The following MGST1 variants were observed in gnomAD, a reference collection of about 807,000 sequenced individuals.
MGST1 encodes the protein microsomal glutathione S-transferase 1.
Under a neutral mutation model 8.9 loss-of-function variants are expected in MGST1, and 5 were observed. The ratio of observed to expected loss-of-function variants is 0.56; its 90% CI spans 0.29 to 1.19. The LOEUF (loss-of-function observed/expected upper bound fraction) is 1.19. MGST1 is among the 50% of genes most tolerant of loss of function. The pLI, the probability that MGST1 is intolerant of heterozygous loss-of-function variation, is 0.08. For missense variants in MGST1, 182 were observed against 187.4 expected (o/e 0.97, Z 0.17); for synonymous variants, 54 against 67.8 (o/e 0.80, Z 1.00).
intron 4 of MGST1, among the ~76,000 whole-genome samples, chr12:16,561,034 G>A (rs771691892): frequency 1.2e-4 from 18 of 151,990 alleles, no homozygotes; most frequent in African/African-American, 2.7e-4. Context: ...ACATAGAGGC[G>A]CATGCATGCA....
At chr12:16,475,853 A>C (rs573985819) in intron 4 of MGST1, among the ~76,000 whole-genome samples, 7 of 152,094 alleles carry the variant, frequency 4.6e-5, no homozygotes, top group Non-Finnish European at 7.4e-5. Context: ...ATTGTTAAGT[A>C]CCTAGAGAGC....
Position 16,414,758 on chromosome 12 carries a change from C to T in MGST1, n.779-22630C>T, listed in dbSNP as rs1255477702. On this transcript the variant is annotated intron_variant and non_coding_transcript_variant, in intron 1 of 1. Coordinates refer to the MGST1 transcript ENST00000359720. ...ATATTTTCAGCTGGGCACAGTGGCT[C>T]ATGCCTGTAATCCAAGCACTTTGGG... Among the ~76,000 whole-genome samples the T allele has an allele frequency of 2.6e-5, 4 of 152,236 alleles. No individual in the cohort carries two copies. In the East Asian group the frequency reaches 7.8e-4, roughly 30 times the overall value.
chr12:16,402,462 G>C (rs778697636), intron 1 of MGST1: 17 of 1,580,014 alleles, frequency 1.1e-5, no homozygotes, highest in Non-Finnish European at 1.4e-5. Flanking sequence ...AGAATCACGC[G>C]ATGTCCCGGC....
chr12:16,517,665 A>G lies in MGST1; in HGVS notation n.483-71863A>G, dbSNP rs12422768. On this transcript the variant is annotated intron_variant and non_coding_transcript_variant, in intron 4 of 4. Transcript: ENST00000538857. The surrounding 1 kb of genome is among the most constrained non-coding windows in gnomAD (Gnocchi z 4.2). ...AATCATGGAACAATGGCCATGACAGAGTGTTGCAAGCCAACTTGGCTTGTG... is the reference window on the plus strand; with the variant it reads ...AATCATGGAACAATGGCCATGACAGGGTGTTGCAAGCCAACTTGGCTTGTG... Among the ~76,000 whole-genome samples, 21,792 of 152,188 alleles carry G rather than the reference A, an allele frequency of 0.14. 1,722 individuals carry two copies. The highest frequency in any genetic ancestry group is 0.2 in the Admixed American group (3,054 of 15,286).
intron 1 of MGST1, among the ~76,000 whole-genome samples, chr12:16,390,483 G>A (rs750094959): frequency 3.9e-5 from 6 of 152,046 alleles, no homozygotes; most frequent in African/African-American, 7.2e-5. Context: ...AGTGTCTGTC[G>A]TTCCCTTCTT....
intron 1 of MGST1, among the ~76,000 whole-genome samples, chr12:16,430,537 C>G (rs1284402659): frequency 6.6e-6 from 1 of 152,130 alleles, no homozygotes; most frequent in Non-Finnish European, 1.5e-5. Context: ...CATGAAAACA[C>G]TAATCTACTT....
chr12:16,446,226 G>T (rs776035097), intron 4 of MGST1, among the ~76,000 whole-genome samples: 2 of 151,994 alleles, frequency 1.3e-5, no homozygotes, highest in East Asian at 2.0e-4. Context: ...ATTCTGCTTT[G>T]CCCAGTGTAG....
chr12:16,507,532 T>C (rs937280958), intron 4 of MGST1, among the ~76,000 whole-genome samples: 3 of 152,150 alleles, frequency 2.0e-5, no homozygotes, highest in African/African-American at 7.2e-5. Context: ...GGATTAGTTC[T>C]CACACTGCTA....
chr12:16,592,967 T>A (rs1295401614), downstream of MGST1, among the ~76,000 whole-genome samples: 1 of 151,858 alleles, frequency 6.6e-6, no homozygotes, highest in Admixed American at 6.6e-5. Flanking sequence ...TAATGACATC[T>A]AAAATTAGCT....
At chr12:16,348,317 A>G (rs191751340) in intron 1 of MGST1, among the ~76,000 whole-genome samples, 9 of 152,196 alleles carry the variant, frequency 5.9e-5, no homozygotes, top group African/African-American at 1.9e-4. Flanking sequence ...GCCAGTGACA[A>G]GAGAGCTAAG....
chr12:16,402,142 T>G (rs1940660957), intron 1 of MGST1: 1 of 1,526,974 alleles, frequency 6.5e-7, no homozygotes, highest in African/African-American at 1.4e-5. Flanking sequence ...GCATTCTCAT[T>G]GCCCTTAGTG....
chr12:16,408,929 A>G (rs1267523701), intron 1 of MGST1, among the ~76,000 whole-genome samples: 3 of 151,962 alleles, frequency 2.0e-5, no homozygotes, highest in Non-Finnish European at 4.4e-5. Flanking sequence ...TTACTTTTCA[A>G]TTTTGCTTAT....
rs532979958 is a variant in MGST1, at chr12:16,547,703, TA to T, written n.483-41819del. On this transcript the variant is annotated intron_variant and non_coding_transcript_variant, in intron 4 of 4. Transcript: ENST00000538857. This position sits in a 1 kb window ranked among gnomAD's most constrained non-coding sequence, Gnocchi z 4.6. Reference sequence around the variant, plus strand: ...CCTTAAATTACATTAAAACCACATTTAAAAAATATAACAATGTTTTTAAGAA... The same window carrying T: ...CCTTAAATTACATTAAAACCACATTTAAAAATATAACAATGTTTTTAAGAA... Among the ~76,000 whole-genome samples, 4 of 152,156 alleles carry T rather than the reference TA, an allele frequency of 2.6e-5. No individual in the cohort carries two copies. The highest frequency in any genetic ancestry group is 5.9e-5 in the Non-Finnish European group (4 of 68,022).
chr12:16,526,085 T>G (rs943526590), intron 4 of MGST1, among the ~76,000 whole-genome samples: 15 of 145,616 alleles, frequency 1.0e-4, no homozygotes, highest in African/African-American at 2.7e-4. Context: ...TTTCTCCCAT[T>G]TTGTAGGTTG....
At chr12:16,459,068 T>C (rs1026251672) in intron 4 of MGST1, among the ~76,000 whole-genome samples, 2 of 152,148 alleles carry the variant, frequency 1.3e-5, no homozygotes, top group African/African-American at 2.4e-5. Flanking sequence ...TAAAACTTTA[T>C]GATAGACAGG....
intron 4 of MGST1, among the ~76,000 whole-genome samples, chr12:16,485,694 TTAGAA>T (rs1213571771): frequency 1.3e-5 from 2 of 152,156 alleles, no homozygotes; most frequent in Admixed American, 1.3e-4. Context: ...TAAATGGACA[TTAGAA>T]TATTATTAGA....
intron 4 of MGST1, among the ~76,000 whole-genome samples, chr12:16,450,742 C>T (rs1015734237): frequency 1.3e-5 from 2 of 151,798 alleles, no homozygotes; most frequent in Admixed American, 6.6e-5. Flanking sequence ...ATGGGCTTTT[C>T]CCCCTTTCTT....
intron 4 of MGST1, among the ~76,000 whole-genome samples, chr12:16,531,156 CAAAAAAAAAA>C (rs5796677): frequency 1.9e-4 from 9 of 46,516 alleles, no homozygotes; most frequent in African/African-American, 5.6e-4. Context: ...TACCCCTGAC[CAAAAAAAAAA>C]AAAAAAAAAA....
intron 4 of MGST1, among the ~76,000 whole-genome samples, chr12:16,530,163 G>T (rs936867424): frequency 6.6e-6 from 1 of 151,938 alleles, no homozygotes; most frequent in Non-Finnish European, 1.5e-5. Flanking sequence ...CATATAAAAC[G>T]TTAATAAAAA....
Sources: gnomAD v4.1 joint callset for allele counts (sites outside exome capture counted in the v4.1 genomes callset) on GRCh38, gnomAD v4.1.1 for gene constraint, Gnocchi (gnomAD v3.1) non-coding constraint, MANE v1.5 for transcripts, NCBI Gene and HGNC (gene_info 2026-07-23, HGNC 2026-07-21) for gene names.